Variants in ZNF846 observed in about 807,000 individuals in gnomAD.
The protein encoded by ZNF846 is zinc finger protein 846.
ZNF846 carries 15 observed loss-of-function variants against 16.0 expected under a neutral mutation model. The ratio of observed to expected loss-of-function variants is 0.94; its 90% CI spans 0.63 to 1.45. The LOEUF (loss-of-function observed/expected upper bound fraction) is 1.45, where lower values mean the gene tolerates loss of function less well. Among genes scored for constraint, ZNF846 ranks in the 40% most tolerant of loss-of-function variants. The pLI, the probability that ZNF846 is intolerant of heterozygous loss-of-function variation, is 0.00. For missense variants in ZNF846, 714 were observed against 622.3 expected, an observed-to-expected ratio of 1.15 and a Z score of -1.57; for synonymous variants, 229 against 212.0, an observed-to-expected ratio of 1.08 and a Z score of -0.70.
downstream of ZNF846, among the ~76,000 whole-genome samples, chr19:9,754,042 T>G (rs1274224568): frequency 2.6e-5 from 4 of 151,670 alleles, no homozygotes; most frequent in Non-Finnish European, 4.4e-5. Flanking sequence ...AATATTTACT[T>G]CATGTATTTT....
intron 1 of ZNF846, among the ~76,000 whole-genome samples, chr19:9,775,865 C>T (rs2045435584): frequency 6.6e-6 from 1 of 152,162 alleles, no homozygotes; most frequent in South Asian, 2.1e-4. Context: ...AGATATAGAT[C>T]ATAGACATGA....
downstream of ZNF846, among the ~76,000 whole-genome samples, chr19:9,753,415 CTGA>C (rs1008836222): frequency 7.3e-6 from 1 of 136,184 alleles, no homozygotes; most frequent in African/African-American, 3.0e-5. Context: ...CCACACTGGG[CTGA>C]TTTTTTTTTT....
downstream of ZNF846, among the ~76,000 whole-genome samples, chr19:9,749,952 C>T (rs192023735): frequency 2.6e-4 from 40 of 152,250 alleles, no homozygotes; most frequent in African/African-American, 9.1e-4. Context: ...CCACTCCCCC[C>T]CATATTTGGA....
chr19:9,754,569 A>C (rs1388529277), downstream of ZNF846, among the ~76,000 whole-genome samples: 4 of 147,942 alleles, frequency 2.7e-5, no homozygotes, highest in Middle Eastern at 3.4e-3. Context: ...TGTCTTAAAA[A>C]AAAAAAAAAA....
rs150894355 is a variant in ZNF846 at position 9,776,259 on chromosome 19, A to T, written c.-86+9679T>A. Among the ~76,000 whole-genome samples the T allele has an allele frequency of 7.2e-3, 1,094 of 152,316 alleles. 16 individuals carry two copies. Among genetic ancestry groups the T allele is most frequent in the African/African-American group, 0.024 (1,016 of 41,578 alleles). ...CTCCACCTCTTGTGGAGGGCCTGAC[A>T]TCAGCCAGGCTTGCCCACTGTTATC... On this transcript the variant is annotated intron_variant, in intron 1 of 4. Transcript: ENST00000586814.
At chr19:9,758,024 T>A in exon 6 of ZNF846, 1 of 1,613,560 alleles carries the variant, frequency 6.2e-7, no homozygotes, top group Non-Finnish European at 8.5e-7. Context: ...TTGTAAGGTA[T>A]GAGGAATGAA....
At position 9,764,918 on chromosome 19, in the gene ZNF846, G is replaced by T. The variant is rs768371852; in HGVS notation, c.15+18C>A. ...CTACAAGCATAACATTTTGAAGTTA[G>T]GTCTGCTTTCCACTTGCCTGAGAAG... is the stretch of plus-strand genomic sequence containing the variant. On this transcript the variant is annotated intron_variant, in intron 2 of 5. Transcript: ENST00000397902. 8 of 1,614,022 alleles carry T rather than the reference G, an allele frequency of 5.0e-6. No homozygotes were observed. Among genetic ancestry groups the T allele is most frequent in the Non-Finnish European group, 6.8e-6 (8 of 1,179,928 alleles).
At chr19:9,762,887 G>C (rs1231057470) in intron 3 of ZNF846, among the ~76,000 whole-genome samples, 2 of 152,168 alleles carry the variant, frequency 1.3e-5, no homozygotes, top group Non-Finnish European at 2.9e-5. Context: ...GCTCACGCCT[G>C]TAATCCTAGC....
chr19:9,754,572 A>C (rs1328264297), downstream of ZNF846, among the ~76,000 whole-genome samples: 738 of 149,726 alleles, frequency 4.9e-3, 12 homozygotes, highest in Non-Finnish European at 8.6e-3. Context: ...CTTAAAAAAA[A>C]AAAAAAAAAA....
downstream of ZNF846, among the ~76,000 whole-genome samples, chr19:9,754,195 T>C (rs2045111757): frequency 6.6e-6 from 1 of 151,618 alleles, no homozygotes; most frequent in South Asian, 2.1e-4. Flanking sequence ...TCCAGGCAAA[T>C]TCTCTTTAGG....
At chr19:9,752,429 G>A (rs1246756792) in exon 6 of ZNF846, 5 of 414,336 alleles carry the variant, frequency 1.2e-5, no homozygotes, top group Admixed American at 1.0e-4. Flanking sequence ...ACAACATGAT[G>A]AAACTTCGTC....
intron 1 of ZNF846, among the ~76,000 whole-genome samples, chr19:9,775,301 G>A (rs550920322): frequency 6.6e-5 from 10 of 151,866 alleles, no homozygotes; most frequent in South Asian, 2.1e-4. Flanking sequence ...GAGCACAAAC[G>A]TCTGATAATA....
intron 2 of ZNF846, among the ~76,000 whole-genome samples, chr19:9,763,796 C>G (rs1317681346): frequency 1.3e-5 from 2 of 152,126 alleles, no homozygotes; most frequent in Admixed American, 6.5e-5. Context: ...TAACACTCAG[C>G]AAAACAATGA....
chr19:9,760,441 C>T (rs1461090184), intron 4 of ZNF846, among the ~76,000 whole-genome samples: 1 of 151,428 alleles, frequency 6.6e-6, no homozygotes, highest in Non-Finnish European at 1.5e-5. Flanking sequence ...TGGTTCATGC[C>T]TATAATCCCA....
At chr19:9,752,232 CA>C (rs1347957220) in exon 6 of ZNF846, 5 of 168,568 alleles carry the variant, frequency 3.0e-5, no homozygotes, top group Admixed American at 6.2e-5. Flanking sequence ...TCTTGATATT[CA>C]TTAGGGCAAG....
downstream of ZNF846, among the ~76,000 whole-genome samples, chr19:9,750,511 C>T (rs767391211): frequency 7.9e-5 from 12 of 152,154 alleles, no homozygotes; most frequent in Non-Finnish European, 1.3e-4. Context: ...ATGCCTGACA[C>T]AAGCTCTCTT....
downstream of ZNF846, chr19:9,755,660 C>A (rs1186773960): frequency 6.8e-6 from 1 of 146,688 alleles, no homozygotes; most frequent in Admixed American, 6.7e-5. Flanking sequence ...ATTAGCCGGG[C>A]GTAGTGGCGG....
At chr19:9,758,807 G>A (rs1013427199) in intron 5 of ZNF846, 43 bp from the exon 6 acceptor site, 1 of 1,438,766 alleles carries the variant, frequency 7.0e-7, no homozygotes, top group Non-Finnish European at 9.3e-7. Context: ...CTCACATTCA[G>A]TATGGTAACA....
At chr19:9,770,258 CCA>C (rs2045378468), upstream of ZNF846, among the ~76,000 whole-genome samples, 1 of 151,312 alleles carries the variant, frequency 6.6e-6, no homozygotes, top group African/African-American at 2.4e-5. Context: ...ACCCCCACCC[CCA>C]GAGTCCAAAG....
Sources: gnomAD v4.1 joint callset for allele counts (sites outside exome capture counted in the v4.1 genomes callset) on GRCh38, gnomAD v4.1.1 for gene constraint, MANE v1.5 for transcripts, NCBI Gene and HGNC (gene_info 2026-07-23, HGNC 2026-07-21) for gene names.